The following ZFYVE28 variants were observed in gnomAD, a reference collection of about 807,000 sequenced individuals.
ZFYVE28 encodes the protein lateral signaling target protein 2 homolog.
Under a neutral mutation model 82.1 loss-of-function variants are expected in ZFYVE28, and 40 were observed. The observed-to-expected ratio is 0.49, with a 90% CI of 0.38 to 0.63. The LOEUF is 0.63. Ranked by LOEUF, ZFYVE28 falls within the 30% of genes least tolerant of loss-of-function variation. The pLI is 0.00. For synonymous variants in ZFYVE28, 612 were observed against 546.1 expected (o/e 1.12, Z -1.68); for missense variants, 1,321 against 1,242.1 (o/e 1.06, Z -0.96).
chr4:2,326,970 G>A (rs959476014), intron 6 of ZFYVE28, among the ~76,000 whole-genome samples: 6 of 151,852 alleles, frequency 4.0e-5, no homozygotes, highest in East Asian at 3.9e-4. Flanking sequence ...TAAGGTTGCC[G>A]GCCAGGTGCA....
Position 2,270,611 on chromosome 4 carries a change from C to T in ZFYVE28, c.*114G>A, listed in dbSNP as rs995176878. 7 of 1,464,080 alleles carry T rather than the reference C, an allele frequency of 4.8e-6. No homozygotes were observed. The East Asian group carries it at 7.0e-5, about 15-fold the overall frequency. The allele number at this position is 1,464,080 out of a possible 1,614,324, so 90.7% of individuals were successfully genotyped here. On this transcript the variant is annotated 3_prime_UTR_variant, in exon 13 of 13. Coordinates refer to ENST00000290974, the MANE Select transcript of ZFYVE28 (RefSeq NM_020972.3). ...TCTGGATGCTCTGGAGGTCTGGGTG[C>T]CCCTGCAGCAGCGGCAGCGGCCTCA...
At chr4:2,321,574 C>T (rs954589931) in intron 6 of ZFYVE28, among the ~76,000 whole-genome samples, 1 of 152,018 alleles carries the variant, frequency 6.6e-6, no homozygotes, top group Non-Finnish European at 1.5e-5. Flanking sequence ...CTTACATGAG[C>T]TGCCTGTCCT....
At chr4:2,328,804 C>CT (rs34334027) in intron 6 of ZFYVE28, 3,561 of 214,744 alleles carry the variant, frequency 0.017, 3 homozygotes, top group East Asian at 0.025. Context: ...CAACTTTGTT[C>CT]TTTTTTTTTT....
In ZFYVE28 at chr4:2,337,467, G is replaced by A; in HGVS notation, c.551C>T (p.Ser184Phe). The A allele has an allele frequency of 1.2e-6, 2 of 1,610,018 alleles. No homozygotes were observed. The highest frequency in any genetic ancestry group is 1.1e-5 in the South Asian group (1 of 90,088). ...CTGCTGCACGTAGTACTCCCTGGGG[G>A]ACTTCACAGGCACCATGGCCGAGAC... ...SYVSAMVPVK[S>F]PREYYVQQEV... The change falls in exon 5 of 13, where the codon TCC (serine) becomes TTC (phenylalanine). Residue 184 changes from serine (S) to phenylalanine (F), a missense_variant. Physicochemically the swap from Ser to Phe is radical, Grantham distance 155. Around this residue, in one of 2 missense-constraint regions of ZFYVE28, gnomAD observed 343 missense variants for 408.4 expected, o/e 0.84. Transcript: ENST00000290974.
At chr4:2,393,099 T>C (rs1255538906) in intron 1 of ZFYVE28, among the ~76,000 whole-genome samples, 3 of 152,206 alleles carry the variant, frequency 2.0e-5, no homozygotes, top group African/African-American at 7.2e-5. Context: ...GACGCTGTCA[T>C]ATTGATCATG....
At chr4:2,399,097 G>GGCACAAGCGTGGAGGTGAGATCCAGC (rs1730870553) in intron 1 of ZFYVE28, among the ~76,000 whole-genome samples, 1 of 22,912 alleles carries the variant, frequency 4.4e-5, no homozygotes, top group African/African-American at 3.1e-4. Flanking sequence ...TGAGATCCAG[G>GGCACAAGCGTGGAGGTGAGATCCAGC]GCACAAGCTG....
Position 2,339,446 on chromosome 4 carries a change from G to A in ZFYVE28, c.521+7C>T. On this transcript the variant is annotated splice_region_variant and intron_variant, in intron 4 of 12. Transcript: ENST00000290974. The surrounding 1 kb of genome is among the most constrained non-coding windows in gnomAD (Gnocchi z 5.0). ...CAGCCAGGGCTGTGGACCCACAGCTGCAGTACCTGAGCTCAAACTCTGCGA... is the reference window on the plus strand; with the variant it reads ...CAGCCAGGGCTGTGGACCCACAGCTACAGTACCTGAGCTCAAACTCTGCGA... 6.2e-7 allele frequency: 1 copy of A among 1,612,972 alleles called. No homozygotes were observed. The highest frequency in any genetic ancestry group is 8.5e-7 in the Non-Finnish European group (1 of 1,179,644).
chr4:2,270,977 G>T, intron 12 of ZFYVE28, 121 bp from the exon 13 acceptor site: 2 of 1,413,038 alleles, frequency 1.4e-6, no homozygotes, highest in Non-Finnish European at 1.9e-6. Flanking sequence ...GGACTGCCCA[G>T]CCCCAGCTGC....
intron 6 of ZFYVE28, chr4:2,330,856 G>C: frequency 1.3e-6 from 2 of 1,535,460 alleles, no homozygotes; most frequent in Non-Finnish European, 1.7e-6. Context: ...ACTGGGGAGA[G>C]AGGACTGGTG....
Position 2,270,663 on chromosome 4 carries a change from C to A in ZFYVE28, c.*62G>T. 2 of 1,605,236 alleles carry A rather than the reference C, an allele frequency of 1.2e-6. No homozygotes were observed. The highest frequency in any genetic ancestry group is 1.7e-6 in the Non-Finnish European group (2 of 1,175,888). ...GAGACGCAGTGAGACCTGCCTGCAG[C>A]GTGGCCCCACCTTCCTGGGGGTTCC... On this transcript the variant is annotated 3_prime_UTR_variant, in exon 13 of 13. Coordinates refer to ENST00000290974, the MANE Select transcript of ZFYVE28 (RefSeq NM_020972.3).
chr4:2,358,083 C>T (rs1225950635), intron 1 of ZFYVE28, among the ~76,000 whole-genome samples: 1 of 152,164 alleles, frequency 6.6e-6, no homozygotes, highest in East Asian at 1.9e-4. Context: ...GGGGTACTTG[C>T]ATGTCCCCTC....
intron 1 of ZFYVE28, among the ~76,000 whole-genome samples, chr4:2,369,176 C>T (rs935027784): frequency 4.6e-5 from 7 of 152,244 alleles, no homozygotes; most frequent in African/African-American, 1.7e-4. Context: ...ATCCTTCCTC[C>T]TGGTGACATC....
Position 2,337,409 on chromosome 4 carries a change from C to G in ZFYVE28, c.609G>C (p.Glu203Asp). The G allele has an allele frequency of 1.9e-6, 3 of 1,602,806 alleles. No homozygotes were observed. The highest frequency in any genetic ancestry group is 1.7e-6 in the Non-Finnish European group (2 of 1,174,064). The change falls in exon 5 of 13, where the codon GAG (glutamate) becomes GAC (aspartate). Residue 203 changes from glutamate (E) to aspartate (D), a missense_variant and splice_region_variant. Around this residue, in one of 2 missense-constraint regions of ZFYVE28, gnomAD observed 343 missense variants for 408.4 expected, o/e 0.84. Transcript: ENST00000290974. ...CCCCTAAGCATCCCTGTGCTCACCT[C>G]TCCACCGTCTCGCAGAAGAGCACGA... ...EVIVLFCETV[E>D]RALDFGYLTQ...
intron 1 of ZFYVE28, among the ~76,000 whole-genome samples, chr4:2,403,347 C>T (rs1334726297): frequency 6.6e-6 from 1 of 152,246 alleles, no homozygotes; most frequent in African/African-American, 2.4e-5. Flanking sequence ...GTGCGTGGAA[C>T]CTTCCATTGA....
chr4:2,363,797 A>C lies in ZFYVE28; in HGVS notation c.40-9724T>G, dbSNP rs186505397. Among the ~76,000 whole-genome samples the C allele has an allele frequency of 1.7e-3, 265 of 152,242 alleles. 1 individual carries two copies. Among genetic ancestry groups the C allele is most frequent in the African/African-American group, 6.3e-3 (260 of 41,548 alleles). On this transcript the variant is annotated intron_variant, in intron 1 of 12. Transcript: ENST00000290974. ...GAGTCTTCTCTTGGGACTGGTAATT[A>C]GCGAATCTGCTTTGAAGTCCCCACC...
Position 2,273,364 on chromosome 4 carries a change from G to A in ZFYVE28, c.2207-75C>T, listed in dbSNP as rs931806749. The A allele has an allele frequency of 3.6e-5, 48 of 1,346,624 alleles. No individual in the cohort carries two copies. In the African/African-American group the frequency reaches 5.3e-4, roughly 15 times the overall value. 83.4% of individuals were successfully genotyped at this position (1,346,624 alleles called of 1,614,324 possible). A position where few individuals can be genotyped will look rare whatever the true frequency, so the allele number is the denominator to read the frequency against. On this transcript the variant is annotated intron_variant, in intron 9 of 12. Coordinates refer to ENST00000290974, the MANE Select transcript of ZFYVE28 (RefSeq NM_020972.3). Reference sequence around the variant, plus strand: ...ACTGCGGAGGTCGGTGCTGCGGGCTGGGCAGACCCAGCCAGAGCTCACAGC... The same window carrying A: ...ACTGCGGAGGTCGGTGCTGCGGGCTAGGCAGACCCAGCCAGAGCTCACAGC...
intron 1 of ZFYVE28, among the ~76,000 whole-genome samples, chr4:2,412,120 G>A (rs1578431658): frequency 1.3e-5 from 2 of 152,310 alleles, no homozygotes; most frequent in East Asian, 1.9e-4. Flanking sequence ...GGGGATGCCT[G>A]AGGCGTACTA....
At chr4:2,371,420 C>G (rs142303755) in intron 1 of ZFYVE28, among the ~76,000 whole-genome samples, 161 of 152,306 alleles carry the variant, frequency 1.1e-3, no homozygotes, top group African/African-American at 3.7e-3. Context: ...CCTAAAGGAA[C>G]GCCTGCTCTC....
At position 2,317,781 on chromosome 4, in the gene ZFYVE28, C is replaced by T. The variant is rs1431910785; in HGVS notation, c.803+2389G>A. Among the ~76,000 whole-genome samples, 10 of 152,242 alleles carry T rather than the reference C, an allele frequency of 6.6e-5. No individual in the cohort carries two copies. The South Asian group carries it at 1.4e-3, about 22-fold the overall frequency. ...CCAAATAGCTGGGATTACAGGCGTC[C>T]GCCACCACGCCCAGCTAATTTTTAT... On this transcript the variant is annotated intron_variant, in intron 7 of 12. Coordinates refer to ENST00000290974, the MANE Select transcript of ZFYVE28 (RefSeq NM_020972.3).
Sources: allele counts gnomAD v4.1 joint callset (sites outside exome capture counted in the v4.1 genomes callset), GRCh38; gene constraint gnomAD v4.1.1; regional missense constraint gnomAD v4.1.1; non-coding constraint Gnocchi (gnomAD v3.1); transcripts MANE v1.5; gene names NCBI Gene and HGNC (gene_info 2026-07-23, HGNC 2026-07-21).